Variants in DTWD2 observed in about 807,000 individuals in gnomAD.
DTWD2 encodes the protein DTW motif tRNA-uridine aminocarboxypropyltransferase 2.
In DTWD2, 39 loss-of-function variants were observed where a neutral mutation model predicts 31.8. That is an observed-to-expected ratio of 1.22 (90% confidence interval 0.95 to 1.60). DTWD2 has a LOEUF of 1.60. Ranked by LOEUF, DTWD2 falls within the 40% of genes most tolerant of loss-of-function variation. DTWD2 has a pLI of 0.00. For synonymous variants in DTWD2, 180 were observed against 142.8 expected, an observed-to-expected ratio of 1.26 and a Z score of -1.86; for missense variants, 515 against 381.5, an observed-to-expected ratio of 1.35 and a Z score of -2.92.
At chr5:118,970,944 T>A (rs1413837379) in intron 1 of DTWD2, among the ~76,000 whole-genome samples, 4 of 152,192 alleles carry the variant, frequency 2.6e-5, no homozygotes, top group Non-Finnish European at 1.5e-5. Flanking sequence ...GCTGAGGGAC[T>A]TCGTCACCAC....
At chr5:118,938,190 G>C (rs1047804362) in intron 3 of DTWD2, among the ~76,000 whole-genome samples, 2 of 151,876 alleles carry the variant, frequency 1.3e-5, no homozygotes, top group Non-Finnish European at 2.9e-5. Flanking sequence ...TATACTAAAG[G>C]TATCAGTTAT....
chr5:118,875,945 T>G (rs113492799), intron 4 of DTWD2, among the ~76,000 whole-genome samples: 2,515 of 152,288 alleles, frequency 0.017, 83 homozygotes, highest in African/African-American at 0.057. Context: ...AATTATCACA[T>G]AATCAGAAGT....
At chr5:118,870,345 A>G (rs1296103840) in intron 4 of DTWD2, among the ~76,000 whole-genome samples, 2 of 152,210 alleles carry the variant, frequency 1.3e-5, no homozygotes, top group South Asian at 2.1e-4. Context: ...CTACTGTACA[A>G]TCATTCAATG....
At chr5:118,920,314 TAAAG>T (rs953018760) in intron 4 of DTWD2, among the ~76,000 whole-genome samples, 7 of 152,028 alleles carry the variant, frequency 4.6e-5, no homozygotes, top group South Asian at 2.1e-4. Flanking sequence ...AAAAAAGAGA[TAAAG>T]AATACTATAT....
In DTWD2 at chr5:118,973,079, C is replaced by CCTTTTTTTTTTTTTTTTTTT. The variant is rs1221777850; in HGVS notation, c.218+15214_218+15215insAAAAAAAAAAAAAAAAAAAG. Among the ~76,000 whole-genome samples, 2 of 140,000 alleles carry CCTTTTTTTTTTTTTTTTTTT rather than the reference C, an allele frequency of 1.4e-5. 1 individual carries two copies. Among genetic ancestry groups the CCTTTTTTTTTTTTTTTTTTT allele is most frequent in the Non-Finnish European group, 3.1e-5 (2 of 64,614 alleles). The allele number at this position is 140,000 out of a possible 152,430, so 91.8% of individuals were successfully genotyped here. ...TATCAGAAACTAGGATTGCAACCCC[C>CCTTTTTTTTTTTTTTTTTTT]TTTTTTTTTTTTTTTTTTGGCTTTC... On this transcript the variant is annotated intron_variant, in intron 1 of 5. Coordinates refer to ENST00000510708, the MANE Select transcript of DTWD2 (RefSeq NM_173666.4).
At chr5:118,883,478 A>G (rs1752788385) in intron 4 of DTWD2, among the ~76,000 whole-genome samples, 1 of 152,174 alleles carries the variant, frequency 6.6e-6, no homozygotes, top group South Asian at 2.1e-4. Flanking sequence ...AATTTCCTAT[A>G]TTAGTCCATT....
At chr5:118,894,976 C>T (rs57581390) in intron 4 of DTWD2, among the ~76,000 whole-genome samples, 39,509 of 151,854 alleles carry the variant, frequency 0.26, 9,352 homozygotes, top group African/African-American at 0.64. Flanking sequence ...TTTACACCAC[C>T]GTTATGCAAC....
At chr5:118,907,973 T>C (rs73239043) in intron 4 of DTWD2, among the ~76,000 whole-genome samples, 3,253 of 152,224 alleles carry the variant, frequency 0.021, 122 homozygotes, top group African/African-American at 0.075. Context: ...TTTAAACAAA[T>C]ATTTGGGCAC....
chr5:118,929,239 G>T (rs1366880718), intron 3 of DTWD2, among the ~76,000 whole-genome samples: 2 of 152,160 alleles, frequency 1.3e-5, no homozygotes, highest in African/African-American at 4.8e-5. Context: ...GCCTGAGAAG[G>T]ACTCCATACT....
In DTWD2 at chr5:118,848,109, T is replaced by G. The variant is rs140010019; in HGVS notation, c.707A>C (p.Lys236Thr). ...ACGTACCTCTTGTATGTAATTATTT[T>G]TCTCCAAGATGGAAAGAGCAACAGC... Reference protein sequence around the residue: ...CAAVALSILEKNNYIQETLLR... With the variant: ...CAAVALSILETNNYIQETLLR... Residue 236 changes from lysine to threonine, a missense_variant, in exon 5 of 6, where the codon AAA (lysine) becomes ACA (threonine). Physicochemically the swap from Lys to Thr is moderately conservative, Grantham distance 78. Coordinates refer to ENST00000510708, the MANE Select transcript of DTWD2 (RefSeq NM_173666.4). 14 of 1,573,440 alleles carry G rather than the reference T, an allele frequency of 8.9e-6. No homozygotes were observed. In the East Asian group the frequency reaches 1.4e-4, roughly 16 times the overall value.
intron 1 of DTWD2, among the ~76,000 whole-genome samples, chr5:118,960,348 G>A (rs577380691): frequency 1.3e-5 from 2 of 152,194 alleles, no homozygotes; most frequent in South Asian, 4.1e-4. Context: ...CTAATCACCA[G>A]AGAAATGCAA....
chr5:118,964,920 GC>G (rs1754796303), intron 1 of DTWD2, among the ~76,000 whole-genome samples: 1 of 151,944 alleles, frequency 6.6e-6, no homozygotes, highest in Admixed American at 6.6e-5. Flanking sequence ...GATGTGAGGA[GC>G]CCCTCTGCCC....
At chr5:118,854,449 A>T (rs975115698) in intron 4 of DTWD2, among the ~76,000 whole-genome samples, 1 of 152,108 alleles carries the variant, frequency 6.6e-6, no homozygotes, top group South Asian at 2.1e-4. Flanking sequence ...TCAAGAATAT[A>T]AATAAATAAT....
chr5:118,913,515 T>A (rs981781806), intron 4 of DTWD2, among the ~76,000 whole-genome samples: 1 of 150,310 alleles, frequency 6.7e-6, no homozygotes, highest in Non-Finnish European at 1.5e-5. Flanking sequence ...AGTTTTAAAA[T>A]TAAAAAGATG....
Position 118,988,320 on chromosome 5 carries a change from C to A in DTWD2, c.192G>T (p.Glu64Asp), listed in dbSNP as rs1423499658. The A allele has an allele frequency of 1.3e-6, 2 of 1,533,876 alleles. No individual in the cohort carries two copies. Among genetic ancestry groups the A allele is most frequent in the Non-Finnish European group, 8.7e-7 (1 of 1,144,716 alleles). ...TGCAGCGGGTGCACTCAGGCCTCCG[C>A]TCGGCCGGCTCCACCGGCAGCTCCC... ...GLWELPVEPAERRPECTRCSR... is the reference protein window; with the variant it reads ...GLWELPVEPADRRPECTRCSR... Residue 64 changes from glutamate (E) to aspartate (D), a missense_variant, in exon 1 of 6, where the codon GAG becomes GAT. Glu to Asp is a conservative substitution (Grantham distance 45, BLOSUM62 2). Transcript: ENST00000510708.
chr5:118,916,956 A>G (rs1212995240), intron 4 of DTWD2, among the ~76,000 whole-genome samples: 1 of 152,194 alleles, frequency 6.6e-6, no homozygotes, highest in African/African-American at 2.4e-5. Flanking sequence ...TTACAATTAT[A>G]CTCATCAATA....
rs1400656118 is a variant in DTWD2, at chr5:118,840,351, A to C, written c.*566T>G. On this transcript the variant is annotated 3_prime_UTR_variant, in exon 6 of 6. Transcript: ENST00000510708. ...ATGCACCTCTTTAAAAATCAGGGCA[A>C]TTAATAGAGCGCTTAAATCATATTA... The C allele has an allele frequency of 6.6e-6, 1 of 152,202 alleles. No individual in the cohort carries two copies. Among genetic ancestry groups the C allele is most frequent in the East Asian group, 1.9e-4 (1 of 5,204 alleles). The allele number at this position is 152,202 out of a possible 1,614,324, so 9.4% of individuals were successfully genotyped here.
At chr5:118,959,828 A>G (rs1348503754) in intron 1 of DTWD2, among the ~76,000 whole-genome samples, 1 of 152,242 alleles carries the variant, frequency 6.6e-6, no homozygotes, top group Non-Finnish European at 1.5e-5. Context: ...AAAGCTGACA[A>G]AAACAAGCAA....
chr5:118,981,153 A>T (rs180802083), intron 1 of DTWD2, among the ~76,000 whole-genome samples: 1 of 152,366 alleles, frequency 6.6e-6, no homozygotes, highest in Non-Finnish European at 1.5e-5. Flanking sequence ...ATTCATAGAA[A>T]CAAAAAGTAG....
Sources: allele counts gnomAD v4.1 joint callset (sites outside exome capture counted in the v4.1 genomes callset), GRCh38; gene constraint gnomAD v4.1.1; transcripts MANE v1.5; gene names NCBI Gene and HGNC (gene_info 2026-07-23, HGNC 2026-07-21).